KLF12: variants seen among roughly 807,000 people sequenced by gnomAD.
The protein encoded by KLF12 is Krueppel-like factor 12.
A neutral mutation model predicts 37.8 loss-of-function variants in KLF12; 9 were observed. That is an observed-to-expected ratio of 0.24 (90% CI 0.14 to 0.42). The LOEUF (loss-of-function observed/expected upper bound fraction) is 0.42. Ranked by LOEUF, KLF12 falls within the 10% of genes least tolerant of loss-of-function variation. The pLI is 1.00. For synonymous variants in KLF12, 208 were observed against 202.1 expected (o/e 1.03, Z -0.25); for missense variants, 411 against 516.0 (o/e 0.80, Z 1.97).
rs896539208 is a variant in KLF12 at position 74,133,836 on chromosome 13, C to T, written c.-129G>A. On this transcript the variant is annotated 5_prime_UTR_variant, in exon 1 of 8. Coordinates refer to ENST00000377669, the MANE Select transcript of KLF12 (RefSeq NM_007249.5). ...TCTCTCTCTCACACGCGCGCGCGCA[C>T]ACACACACACACACTCGCACACACA... is the stretch of plus-strand genomic sequence containing the variant. Among the ~76,000 whole-genome samples the T allele has an allele frequency of 3.5e-3, 32 of 9,212 alleles. No individual in the cohort carries two copies. Among genetic ancestry groups the T allele is most frequent in the African/African-American group, 4.9e-3 (30 of 6,162 alleles). 6.0% of individuals were successfully genotyped at this position (9,212 alleles called of 152,430 possible). A position where few individuals can be genotyped will look rare whatever the true frequency, so the allele number is the denominator to read the frequency against.
At chr13:73,754,566 A>G (rs1879014340) in intron 6 of KLF12, among the ~76,000 whole-genome samples, 1 of 152,198 alleles carries the variant, frequency 6.6e-6, no homozygotes, top group African/African-American at 2.4e-5. Context: ...CGGAAAACAC[A>G]TTCTCTATTA....
At chr13:73,934,918 T>C (rs1889853781) in intron 3 of KLF12, among the ~76,000 whole-genome samples, 1 of 151,530 alleles carries the variant, frequency 6.6e-6, no homozygotes. Context: ...CTTTTCTCTC[T>C]GTGCTTTGTG....
chr13:74,099,462 C>T (rs992241521), intron 1 of KLF12, among the ~76,000 whole-genome samples: 22 of 152,332 alleles, frequency 1.4e-4, no homozygotes, highest in African/African-American at 5.1e-4. Context: ...TATCACCCTC[C>T]AACCACGAGA....
chr13:73,859,840 T>C (rs1011035387), intron 3 of KLF12, among the ~76,000 whole-genome samples: 6 of 152,008 alleles, frequency 3.9e-5, no homozygotes, highest in African/African-American at 1.4e-4. Context: ...ACCAAAAACC[T>C]CATTAGATTT....
At chr13:74,093,590 T>C (rs1270820682) in intron 1 of KLF12, among the ~76,000 whole-genome samples, 3 of 152,110 alleles carry the variant, frequency 2.0e-5, no homozygotes, top group African/African-American at 4.8e-5. Context: ...TGTGAATAAC[T>C]TGAAGGAATC....
intron 5 of KLF12, among the ~76,000 whole-genome samples, chr13:73,786,178 A>G (rs1435449258): frequency 6.6e-6 from 1 of 152,172 alleles, no homozygotes; most frequent in Non-Finnish European, 1.5e-5. Flanking sequence ...GCAACTGGTG[A>G]GCAGTGAGTG....
chr13:73,746,810 CTTTTT>C (rs776746904), intron 6 of KLF12, among the ~76,000 whole-genome samples: 3 of 119,860 alleles, frequency 2.5e-5, no homozygotes, highest in Admixed American at 1.8e-4. Flanking sequence ...TCCCTCCCTC[CTTTTT>C]TTTTTTTTTT....
At chr13:74,083,415 G>A (rs1229710915) in intron 1 of KLF12, among the ~76,000 whole-genome samples, 3 of 151,846 alleles carry the variant, frequency 2.0e-5, no homozygotes, top group African/African-American at 7.3e-5. Flanking sequence ...GCTGAGGTGG[G>A]AGGATCACCT....
the KLF12 span, among the ~76,000 whole-genome samples, chr13:74,263,270 G>A: frequency 1.3e-4 from 20 of 152,232 alleles, no homozygotes; most frequent in Middle Eastern, 6.8e-3. Flanking sequence ...CACATAGGTA[G>A]TTTAACTTGC....
chr13:73,814,942 A>C (rs1331749860), intron 4 of KLF12, among the ~76,000 whole-genome samples: 1 of 152,124 alleles, frequency 6.6e-6, no homozygotes, highest in Non-Finnish European at 1.5e-5. Flanking sequence ...AACGTGTCAC[A>C]GTTTATGACT....
intron 1 of KLF12, among the ~76,000 whole-genome samples, chr13:74,050,993 C>T (rs1036407613): frequency 2.0e-5 from 3 of 152,206 alleles, no homozygotes; most frequent in African/African-American, 7.2e-5. Context: ...AAGACATCAT[C>T]TCACAGCTGT....
At chr13:74,007,545 G>T (rs909897123) in intron 1 of KLF12, among the ~76,000 whole-genome samples, 3 of 152,158 alleles carry the variant, frequency 2.0e-5, no homozygotes, top group African/African-American at 7.2e-5. Flanking sequence ...AGTGTGCTGG[G>T]ATTACAGGCG....
At chr13:74,085,385 G>A (rs971733607) in intron 1 of KLF12, among the ~76,000 whole-genome samples, 4 of 152,156 alleles carry the variant, frequency 2.6e-5, no homozygotes, top group African/African-American at 7.2e-5. Flanking sequence ...CAAGAAAGAC[G>A]TAGCTCATAT....
chr13:73,830,722 A>G (rs1318146161), intron 4 of KLF12, among the ~76,000 whole-genome samples: 1 of 152,290 alleles, frequency 6.6e-6, no homozygotes, highest in East Asian at 1.9e-4. Flanking sequence ...AAGATAGAAC[A>G]GGCGTGTCTG....
At chr13:73,728,024 A>C (rs1326214999) in intron 6 of KLF12, among the ~76,000 whole-genome samples, 1 of 152,206 alleles carries the variant, frequency 6.6e-6, no homozygotes, top group Non-Finnish European at 1.5e-5. Flanking sequence ...AAGAAAATGC[A>C]GCTGAAATTT....
intron 3 of KLF12, among the ~76,000 whole-genome samples, chr13:73,896,564 A>T (rs753603702): frequency 6.6e-6 from 1 of 152,208 alleles, no homozygotes; most frequent in African/African-American, 2.4e-5. Context: ...TTAATAGAGA[A>T]ATCATTAGAG....
At chr13:74,251,647 T>C in the KLF12 span, among the ~76,000 whole-genome samples, 20 of 152,094 alleles carry the variant, frequency 1.3e-4, no homozygotes, top group African/African-American at 4.8e-4. Context: ...CCCCACCAGG[T>C]GAGAAAGATT....
intron 1 of KLF12, among the ~76,000 whole-genome samples, chr13:74,069,373 T>C (rs1308566146): frequency 1.3e-5 from 2 of 151,924 alleles, no homozygotes; most frequent in Admixed American, 1.3e-4. Context: ...GAAAAGAAAA[T>C]AAGTCTGGAG....
At chr13:73,997,089 A>G (rs1451228598) in intron 1 of KLF12, among the ~76,000 whole-genome samples, 1 of 152,160 alleles carries the variant, frequency 6.6e-6, no homozygotes, top group Non-Finnish European at 1.5e-5. Context: ...GCCTGATACA[A>G]AACTAGTTTT....
Sources: gnomAD v4.1 joint callset for allele counts (sites outside exome capture counted in the v4.1 genomes callset) on GRCh38, gnomAD v4.1.1 for gene constraint, MANE v1.5 for transcripts, NCBI Gene and HGNC (gene_info 2026-07-23, HGNC 2026-07-21) for gene names.